ANO6: variants seen among roughly 807,000 people sequenced by gnomAD.
ANO6 encodes anoctamin 6.
ANO6 carries 106 observed loss-of-function variants against 117.5 expected under a neutral mutation model. The observed-to-expected ratio is 0.90, with a 90% CI of 0.77 to 1.06. The LOEUF (loss-of-function observed/expected upper bound fraction) is 1.06, where lower values mean the gene tolerates loss of function less well. Among genes scored for constraint, ANO6 ranks in the 50% least tolerant of loss-of-function variants. The pLI is 0.00. For synonymous variants in ANO6, 367 were observed against 385.1 expected (o/e 0.95, Z 0.55); for missense variants, 955 against 1,121.1 (o/e 0.85, Z 2.12).
At chr12:45,258,686 G>A (rs1324966570) in intron 1 of ANO6, among the ~76,000 whole-genome samples, 1 of 152,022 alleles carries the variant, frequency 6.6e-6, no homozygotes, top group Non-Finnish European at 1.5e-5. Flanking sequence ...CACCAATTTT[G>A]TCTAGTTTAT....
At chr12:45,255,818 G>GGTTTTTTTTT (rs749001458) in intron 1 of ANO6, among the ~76,000 whole-genome samples, 15 of 81,692 alleles carry the variant, frequency 1.8e-4, no homozygotes, top group African/African-American at 6.3e-4. Flanking sequence ...CTCCCTGGGT[G>GGTTTTTTTTT]TTTTTTTTTT....
intron 11 of ANO6, among the ~76,000 whole-genome samples, chr12:45,389,847 G>A (rs948937507): frequency 4.6e-5 from 7 of 152,194 alleles, no homozygotes; most frequent in African/African-American, 1.7e-4. Context: ...CTGGCACAGA[G>A]TTAAATACTC....
chr12:45,390,118 C>G (rs907615979), intron 11 of ANO6, among the ~76,000 whole-genome samples: 1 of 152,174 alleles, frequency 6.6e-6, no homozygotes, highest in Admixed American at 6.5e-5. Context: ...CTAAGACAAG[C>G]CCAGAAGTAT....
At chr12:45,232,691 A>T (rs756078724) in intron 1 of ANO6, among the ~76,000 whole-genome samples, 22 of 152,180 alleles carry the variant, frequency 1.4e-4, no homozygotes, top group Non-Finnish European at 2.9e-4. Context: ...TTTGTTTATA[A>T]TGATTTCTAC....
At chr12:45,219,391 A>G (rs11615850) in intron 1 of ANO6, among the ~76,000 whole-genome samples, 8,947 of 152,222 alleles carry the variant, frequency 0.059, 495 homozygotes, top group East Asian at 0.3. Context: ...GCTGGAGTGC[A>G]GTGACGCAGT....
chr12:45,269,217 T>C (rs117012125), intron 1 of ANO6, among the ~76,000 whole-genome samples: 3 of 152,336 alleles, frequency 2.0e-5, no homozygotes, highest in East Asian at 3.9e-4. Context: ...TTCTGACTCA[T>C]TTCAGGAAAT....
At chr12:45,409,636 C>G in intron 16 of ANO6, 149 bp downstream of exon 16, 1 of 971,264 alleles carries the variant, frequency 1.0e-6, no homozygotes, top group South Asian at 1.4e-5. Flanking sequence ...TTATACAATC[C>G]AGCTTTCAGA....
chr12:45,317,977 G>C (rs1940111732), intron 2 of ANO6, among the ~76,000 whole-genome samples: 1 of 151,742 alleles, frequency 6.6e-6, no homozygotes, highest in Non-Finnish European at 1.5e-5. Context: ...TTGTTTGTTT[G>C]TTTTCTTGTA....
chr12:45,435,646 T>C (rs1470310509), downstream of ANO6, among the ~76,000 whole-genome samples: 1 of 151,952 alleles, frequency 6.6e-6, no homozygotes, highest in Non-Finnish European at 1.5e-5. Context: ...ATAGTTGGCA[T>C]CATCAAAAAC....
chr12:45,255,395 C>G (rs375905443), intron 1 of ANO6, among the ~76,000 whole-genome samples: 4 of 152,046 alleles, frequency 2.6e-5, no homozygotes, highest in African/African-American at 9.7e-5. Flanking sequence ...CCCAGCTACT[C>G]GGGAGGCTGA....
chr12:45,433,414 C>T (rs748664728), downstream of ANO6, among the ~76,000 whole-genome samples: 29 of 152,180 alleles, frequency 1.9e-4, no homozygotes, highest in Non-Finnish European at 3.5e-4. Flanking sequence ...TACTCGAGTG[C>T]ATTACTTTGG....
At chr12:45,237,213 G>A (rs1050361253) in intron 1 of ANO6, among the ~76,000 whole-genome samples, 4 of 152,210 alleles carry the variant, frequency 2.6e-5, no homozygotes, top group African/African-American at 9.6e-5. Context: ...TCACTGTGCA[G>A]AAGCTCTTTA....
intron 1 of ANO6, among the ~76,000 whole-genome samples, chr12:45,233,924 G>C (rs1414270376): frequency 6.6e-6 from 1 of 152,218 alleles, no homozygotes; most frequent in Non-Finnish European, 1.5e-5. Context: ...GGATTCATCT[G>C]TGTTATAGAT....
intron 10 of ANO6, among the ~76,000 whole-genome samples, chr12:45,378,645 G>A (rs1326411376): frequency 1.3e-5 from 2 of 152,150 alleles, no homozygotes; most frequent in Non-Finnish European, 2.9e-5. Context: ...AAGTCATATG[G>A]CCAAACCAGC....
chr12:45,245,384 ATTTTCTAT>A (rs1221427845), intron 1 of ANO6, among the ~76,000 whole-genome samples: 1 of 150,128 alleles, frequency 6.7e-6, no homozygotes, highest in East Asian at 1.9e-4. Flanking sequence ...GGCATAAGAC[ATTTTCTAT>A]TTTTCTGTCT....
At position 45,270,461 on chromosome 12, in the gene ANO6, G is replaced by A. The variant is rs1455909771; in HGVS notation, c.71-31553G>A. On this transcript the variant is annotated intron_variant, in intron 1 of 19. Coordinates refer to ENST00000320560, the MANE Select transcript of ANO6 (RefSeq NM_001025356.3). Reference sequence around the variant, plus strand: ...TTTATTGATGCCTCCTCATCCTTCAGGTGATGTTCCTGCCTCCAGGAGGCC... The same window carrying A: ...TTTATTGATGCCTCCTCATCCTTCAAGTGATGTTCCTGCCTCCAGGAGGCC... 3 of 1,523,340 alleles carry A rather than the reference G, an allele frequency of 2.0e-6. No individual in the cohort carries two copies. The African/African-American group carries it at 4.1e-5, about 21-fold the overall frequency. The allele number at this position is 1,523,340 out of a possible 1,614,324, so 94.4% of individuals were successfully genotyped here. A position where few individuals can be genotyped will look rare whatever the true frequency, so the allele number is the denominator to read the frequency against.
rs567089984 is a variant in ANO6 at position 45,266,616 on chromosome 12, T to A, written c.71-35398T>A. ...TATGAGGCTTAGCCTGGTAATATAGTGAGACCTCATCTCTACAAAAACGTT... is the reference window on the plus strand; with the variant it reads ...TATGAGGCTTAGCCTGGTAATATAGAGAGACCTCATCTCTACAAAAACGTT... On this transcript the variant is annotated intron_variant, in intron 1 of 19. Transcript: ENST00000320560. Among the ~76,000 whole-genome samples the A allele has an allele frequency of 3.3e-5, 5 of 152,268 alleles. No homozygotes were observed. The South Asian group carries it at 1.0e-3, about 32-fold the overall frequency.
intron 1 of ANO6, among the ~76,000 whole-genome samples, chr12:45,220,159 G>A (rs546526603): frequency 4.3e-4 from 66 of 152,280 alleles, no homozygotes; most frequent in Admixed American, 7.2e-4. Context: ...AAGCTTTGCT[G>A]AAGGAGGAAA....
At chr12:45,347,940 GC>G (rs1165535037) in intron 4 of ANO6, 87 bp from the exon 5 acceptor site, 1 of 1,308,540 alleles carries the variant, frequency 7.6e-7, no homozygotes, top group African/African-American at 1.5e-5. Flanking sequence ...TTTTTTTAAA[GC>G]TACCAACAAC....
Sources: gnomAD v4.1 joint callset for allele counts (sites outside exome capture counted in the v4.1 genomes callset) on GRCh38, gnomAD v4.1.1 for gene constraint, MANE v1.5 for transcripts, NCBI Gene and HGNC (gene_info 2026-07-23, HGNC 2026-07-21) for gene names.